The following PTPRD variants were observed in gnomAD, a reference collection of about 807,000 sequenced individuals.
The protein encoded by PTPRD is receptor-type tyrosine-protein phosphatase delta.
Under a neutral mutation model 214.5 loss-of-function variants are expected in PTPRD, and 34 were observed. The ratio of observed to expected loss-of-function variants is 0.16; its 90% confidence interval spans 0.12 to 0.21. The LOEUF (loss-of-function observed/expected upper bound fraction) is 0.21. PTPRD is among the 10% of genes least tolerant of loss of function. PTPRD has a pLI of 1.00. For missense variants in PTPRD, 2,545 were observed against 2,398.7 expected (o/e 1.06, Z -1.27); for synonymous variants, 1,128 against 845.7 (o/e 1.33, Z -5.79).
At chr9:10,426,137 C>T (rs1441066962) in intron 2 of PTPRD, among the ~76,000 whole-genome samples, 1 of 152,010 alleles carries the variant, frequency 6.6e-6, no homozygotes, top group South Asian at 2.1e-4. Context: ...CTTTCTATAC[C>T]TTCCCTTGCA....
At chr9:10,424,423 G>A (rs984036258) in intron 2 of PTPRD, among the ~76,000 whole-genome samples, 2 of 151,640 alleles carry the variant, frequency 1.3e-5, no homozygotes, top group Non-Finnish European at 2.9e-5. Flanking sequence ...TTCCATAAAT[G>A]AGTCTCTGTG....
intron 10 of PTPRD, among the ~76,000 whole-genome samples, chr9:9,102,636 C>T (rs1422375667): frequency 6.6e-6 from 1 of 152,150 alleles, no homozygotes; most frequent in Non-Finnish European, 1.5e-5. Flanking sequence ...TAATTTAGCC[C>T]ATGTGGAAAA....
intron 9 of PTPRD, among the ~76,000 whole-genome samples, chr9:9,260,579 G>A (rs1284207283): frequency 6.6e-6 from 1 of 151,232 alleles, no homozygotes; most frequent in Non-Finnish European, 1.5e-5. Context: ...TTTCTAATTT[G>A]CATTTGAAAG....
At chr9:9,520,254 A>T in intron 8 of PTPRD, among the ~76,000 whole-genome samples, 1 of 147,528 alleles carries the variant, frequency 6.8e-6, no homozygotes, top group Middle Eastern at 3.6e-3. Flanking sequence ...GTAAAAATAG[A>T]CTCCTAAAAG....
intron 9 of PTPRD, among the ~76,000 whole-genome samples, chr9:9,346,603 T>A (rs1411669478): frequency 6.6e-6 from 1 of 152,194 alleles, no homozygotes; most frequent in East Asian, 1.9e-4. Flanking sequence ...CATACGGATG[T>A]ATATAAAGCA....
intron 7 of PTPRD, among the ~76,000 whole-genome samples, chr9:9,637,332 C>T (rs1175554783): frequency 6.6e-6 from 1 of 152,182 alleles, no homozygotes; most frequent in Admixed American, 6.5e-5. Context: ...GGGCAACTTG[C>T]TCTCCAGCTG....
rs71321234 is a variant in PTPRD at position 10,241,017 on chromosome 9, G to GAA, written c.-545+99944_-545+99945dup. ...AAAGAAAGATATAAATACCAGAGTA[G>GAA]AAAAAAAAAAATGACAAAAGATTTG... On this transcript the variant is annotated intron_variant, in intron 3 of 45. Transcript: ENST00000381196. Among the ~76,000 whole-genome samples, 466 of 144,960 alleles carry GAA rather than the reference G, an allele frequency of 3.2e-3. 3 individuals are homozygous for GAA. The highest frequency in any genetic ancestry group is 5.4e-3 in the Non-Finnish European group (355 of 66,200).
At chr9:10,219,783 G>T (rs2099557937) in intron 3 of PTPRD, among the ~76,000 whole-genome samples, 1 of 151,434 alleles carries the variant, frequency 6.6e-6, no homozygotes, top group African/African-American at 2.4e-5. Context: ...TTGCTAAATT[G>T]ACTTTAAAAA....
At chr9:9,270,555 T>C (rs939102882) in intron 9 of PTPRD, among the ~76,000 whole-genome samples, 22 of 151,350 alleles carry the variant, frequency 1.5e-4, no homozygotes, top group Admixed American at 5.3e-4. Flanking sequence ...CAGAGTATAA[T>C]GTGCTCATGC....
chr9:9,103,196 T>C (rs1165212339), intron 10 of PTPRD, among the ~76,000 whole-genome samples: 2 of 152,184 alleles, frequency 1.3e-5, no homozygotes, highest in African/African-American at 4.8e-5. Context: ...AAAAGTCTAA[T>C]TAATATTATT....
chr9:8,834,352 AC>A (rs2154530702), intron 11 of PTPRD, among the ~76,000 whole-genome samples: 1 of 152,268 alleles, frequency 6.6e-6, no homozygotes, highest in East Asian at 1.9e-4. Context: ...CTGATGATTC[AC>A]ATGATAGTGT....
intron 9 of PTPRD, among the ~76,000 whole-genome samples, chr9:9,371,142 A>T (rs1208186700): frequency 6.6e-6 from 1 of 152,114 alleles, no homozygotes. Flanking sequence ...TGAGTTAGGG[A>T]GGATTCCCTC....
chr9:8,536,785 C>T (rs1025165937), intron 14 of PTPRD, among the ~76,000 whole-genome samples: 1 of 151,958 alleles, frequency 6.6e-6, no homozygotes, highest in Non-Finnish European at 1.5e-5. Context: ...GACTTTGGGC[C>T]ACAAGGTCCC....
intron 7 of PTPRD, among the ~76,000 whole-genome samples, chr9:9,697,200 T>C (rs1009865151): frequency 6.6e-6 from 1 of 152,120 alleles, no homozygotes; most frequent in Non-Finnish European, 1.5e-5. Flanking sequence ...ACTAGAGTTA[T>C]AAGTGGATTG....
chr9:8,924,503 T>C lies in PTPRD; in HGVS notation c.-104+94194A>G, dbSNP rs191887351. 5.2e-3 allele frequency among the ~76,000 whole-genome samples: 790 copies of C among 152,232 alleles called. 7 individuals carry two copies. Among genetic ancestry groups the C allele is most frequent in the African/African-American group, 0.018 (762 of 41,532 alleles). Reference sequence around the variant, plus strand: ...TAGAGTTTATTTGGGGAGGCAAATATTCTTCTTGTAACAATCAGGGAATCA... The same window carrying C: ...TAGAGTTTATTTGGGGAGGCAAATACTCTTCTTGTAACAATCAGGGAATCA... On this transcript the variant is annotated intron_variant, in intron 11 of 45. Coordinates refer to ENST00000381196, the MANE Select transcript of PTPRD (RefSeq NM_002839.4).
At chr9:8,983,060 G>T (rs573779154) in intron 11 of PTPRD, among the ~76,000 whole-genome samples, 1 of 151,998 alleles carries the variant, frequency 6.6e-6, no homozygotes, top group Non-Finnish European at 1.5e-5. Flanking sequence ...AAATCTATTT[G>T]ATGGGATACA....
intron 26 of PTPRD, among the ~76,000 whole-genome samples, 192 bp downstream of exon 26, chr9:8,497,050 T>A (rs1294075670): frequency 1.3e-5 from 2 of 152,166 alleles, no homozygotes; most frequent in African/African-American, 4.8e-5. Context: ...ACGCAGTCAA[T>A]AGCACCATGC....
chr9:9,877,796 G>A (rs1166805467), intron 5 of PTPRD, among the ~76,000 whole-genome samples: 1 of 151,836 alleles, frequency 6.6e-6, no homozygotes, highest in Admixed American at 6.6e-5. Flanking sequence ...CTAACGAGGA[G>A]AAACCTGTCT....
intron 11 of PTPRD, among the ~76,000 whole-genome samples, chr9:8,763,276 C>T (rs955806215): frequency 6.6e-6 from 1 of 152,084 alleles, no homozygotes; most frequent in Admixed American, 6.6e-5. Context: ...CTTTGGGAGG[C>T]CGAGTTGGAT....
Sources: gnomAD v4.1 joint callset for allele counts (sites outside exome capture counted in the v4.1 genomes callset) on GRCh38, gnomAD v4.1.1 for gene constraint, MANE v1.5 for transcripts, NCBI Gene and HGNC (gene_info 2026-07-23, HGNC 2026-07-21) for gene names.